AFAP1: variants seen among roughly 807,000 people sequenced by gnomAD.
AFAP1 encodes actin filament-associated protein 1.
In AFAP1, 75 loss-of-function variants were observed where a neutral mutation model predicts 93.9. The observed-to-expected ratio is 0.80, with a 90% CI of 0.66 to 0.97. The LOEUF (loss-of-function observed/expected upper bound fraction) is 0.97, where lower values mean the gene tolerates loss of function less well. AFAP1 is among the 50% of genes least tolerant of loss of function. AFAP1 has a pLI of 0.00. For missense variants in AFAP1, 1,201 were observed against 1,050.8 expected (o/e 1.14, Z -1.98); for synonymous variants, 517 against 430.7 (o/e 1.20, Z -2.48).
chr4:7,828,035 T>C (rs1003760064), intron 6 of AFAP1, among the ~76,000 whole-genome samples: 2 of 152,200 alleles, frequency 1.3e-5, no homozygotes, highest in African/African-American at 4.8e-5. Flanking sequence ...GGAAGGTGAA[T>C]TCAGCCCGGT....
chr4:7,853,757 C>T (rs545458672), intron 4 of AFAP1, among the ~76,000 whole-genome samples: 1 of 152,230 alleles, frequency 6.6e-6, no homozygotes, highest in African/African-American at 2.4e-5. Context: ...CTTAACTGAG[C>T]TGACAAGTCA....
chr4:7,816,014 T>C lies in AFAP1; in HGVS notation c.904+4A>G. Reference sequence around the variant, plus strand: ...TATATGTTTTTGGCACAAGCAGAACTCACCTTGCTCCTTTCCATTACATGT... The same window carrying C: ...TATATGTTTTTGGCACAAGCAGAACCCACCTTGCTCCTTTCCATTACATGT... On this transcript the variant is annotated splice_donor_region_variant and intron_variant, in intron 8 of 17. Coordinates refer to ENST00000420658, the MANE Select transcript of AFAP1 (RefSeq NM_001134647.2). 6.2e-7 allele frequency: 1 copy of C among 1,607,864 alleles called. No individual in the cohort carries two copies. The highest frequency in any genetic ancestry group is 8.5e-7 in the Non-Finnish European group (1 of 1,176,692).
At chr4:7,841,057 G>C (rs1426180886) in intron 5 of AFAP1, among the ~76,000 whole-genome samples, 1 of 152,232 alleles carries the variant, frequency 6.6e-6, no homozygotes, top group African/African-American at 2.4e-5. Context: ...ATCAGCAATA[G>C]GGACAGGCTG....
chr4:7,908,325 G>A (rs1020677322), intron 1 of AFAP1, among the ~76,000 whole-genome samples: 2 of 152,094 alleles, frequency 1.3e-5, no homozygotes, highest in African/African-American at 4.8e-5. Context: ...CTTAATACTC[G>A]CCATATTCCA....
At chr4:7,767,073 G>A (rs999827794) in intron 17 of AFAP1, among the ~76,000 whole-genome samples, 2 of 152,224 alleles carry the variant, frequency 1.3e-5, no homozygotes, top group African/African-American at 4.8e-5. Flanking sequence ...ACCACCTCCA[G>A]CCAGGGGTCC....
intron 3 of AFAP1, among the ~76,000 whole-genome samples, chr4:7,863,804 T>C (rs541745327): frequency 2.6e-5 from 4 of 152,236 alleles, no homozygotes; most frequent in Non-Finnish European, 5.9e-5. Context: ...TACAAAACAC[T>C]ATAACAAAAG....
At chr4:7,800,372 A>ATT in intron 10 of AFAP1, 70 bp downstream of exon 10, 1 of 1,517,252 alleles carries the variant, frequency 6.6e-7, no homozygotes, top group Admixed American at 1.8e-5. Flanking sequence ...AGGAGTCAGC[A>ATT]TTCGCCTTTT....
intron 8 of AFAP1, 63 bp from the exon 9 acceptor site, chr4:7,809,826 A>G (rs1406858748): frequency 6.5e-7 from 1 of 1,549,010 alleles, no homozygotes; most frequent in Non-Finnish European, 8.7e-7. Context: ...GAAAAAAAAA[A>G]CATACATCAA....
chr4:7,909,997 T>C (rs1383025498), intron 1 of AFAP1, among the ~76,000 whole-genome samples: 1 of 152,196 alleles, frequency 6.6e-6, no homozygotes, highest in Admixed American at 6.5e-5. Context: ...AAGAAGCCAA[T>C]CTCAGAGATT....
chr4:7,902,070 T>A (rs1032244776), intron 1 of AFAP1, among the ~76,000 whole-genome samples: 1 of 152,222 alleles, frequency 6.6e-6, no homozygotes, highest in Non-Finnish European at 1.5e-5. Context: ...GCTTTCGAAC[T>A]GCGGGTGGAG....
intron 4 of AFAP1, among the ~76,000 whole-genome samples, chr4:7,852,161 G>A (rs1714513526): frequency 6.6e-6 from 1 of 152,158 alleles, no homozygotes; most frequent in South Asian, 2.1e-4. Context: ...GGCACTATAT[G>A]TTCTGACTTG....
At chr4:7,927,496 C>T (rs1720830666) in intron 1 of AFAP1, among the ~76,000 whole-genome samples, 2 of 152,198 alleles carry the variant, frequency 1.3e-5, no homozygotes, top group Admixed American at 6.5e-5. Flanking sequence ...GTTCAACGGA[C>T]ACGTATTGAA....
intron 11 of AFAP1, among the ~76,000 whole-genome samples, chr4:7,790,583 T>G (rs1185780996): frequency 6.6e-6 from 1 of 152,184 alleles, no homozygotes; most frequent in African/African-American, 2.4e-5. Flanking sequence ...ATAAATATAG[T>G]GAACAACCAT....
chr4:7,918,181 AGACACTCGGCCCAGG>A (rs1241994690), intron 1 of AFAP1, among the ~76,000 whole-genome samples: 46 of 148,482 alleles, frequency 3.1e-4, no homozygotes, highest in South Asian at 8.5e-4. Context: ...CTGCCAGAAG[AGACACTCGGCCCAGG>A]TCACCAGGAA....
At chr4:7,775,696 C>G (rs1431602375) in intron 14 of AFAP1, 2 of 152,140 alleles carry the variant, frequency 1.3e-5, no homozygotes, top group African/African-American at 4.8e-5. Context: ...GGAAGGAGTC[C>G]CAGCTTACAC....
chr4:7,813,141 G>C (rs1419805636), intron 8 of AFAP1, among the ~76,000 whole-genome samples: 1 of 152,032 alleles, frequency 6.6e-6, no homozygotes, highest in Non-Finnish European at 1.5e-5. Context: ...CTAAGAAAAA[G>C]CTGTATGAGT....
chr4:7,860,846 T>C (rs916665563), intron 3 of AFAP1, among the ~76,000 whole-genome samples: 3 of 152,186 alleles, frequency 2.0e-5, no homozygotes, highest in Non-Finnish European at 4.4e-5. Flanking sequence ...AGACGCATCA[T>C]TTCTTAGGAA....
chr4:7,816,409 T>C (rs559852228), intron 7 of AFAP1, among the ~76,000 whole-genome samples: 17 of 152,324 alleles, frequency 1.1e-4, no homozygotes, highest in South Asian at 6.2e-4. Context: ...GAAAAAAATA[T>C]TATGATTACA....
intron 1 of AFAP1, among the ~76,000 whole-genome samples, chr4:7,901,845 T>C (rs17770447): frequency 0.46 from 69,340 of 152,028 alleles, 18,184 homozygotes; most frequent in Non-Finnish European, 0.61. Context: ...TTGTCTGGTG[T>C]TCAGCATCAT....
Sources: gnomAD v4.1 joint callset for allele counts (sites outside exome capture counted in the v4.1 genomes callset) on GRCh38, gnomAD v4.1.1 for gene constraint, MANE v1.5 for transcripts, NCBI Gene and HGNC (gene_info 2026-07-23, HGNC 2026-07-21) for gene names.